The following HRH2 variants were observed in gnomAD, a reference collection of about 807,000 sequenced individuals.
HRH2 encodes the protein histamine receptor H2.
In HRH2, 4 loss-of-function variants were observed where a neutral mutation model predicts 20.1. The ratio of observed to expected loss-of-function variants is 0.20; its 90% CI spans 0.10 to 0.45. The LOEUF is 0.45. Ranked by LOEUF, HRH2 falls within the 20% of genes least tolerant of loss-of-function variation. The pLI is 0.99. For missense variants in HRH2, 250 were observed against 461.6 expected, an observed-to-expected ratio of 0.54 and a Z score of 4.20; for synonymous variants, 197 against 200.7, an observed-to-expected ratio of 0.98 and a Z score of 0.16.
At chr5:175,701,250 T>TA (rs1756780203) in intron 2 of HRH2, among the ~76,000 whole-genome samples, 1 of 152,172 alleles carries the variant, frequency 6.6e-6, no homozygotes, top group Non-Finnish European at 1.5e-5. Flanking sequence ...ACGGTCCATG[T>TA]AAAAACACGG....
intron 2 of HRH2, chr5:175,685,405 A>T: frequency 1.9e-6 from 3 of 1,548,536 alleles, no homozygotes; most frequent in Non-Finnish European, 2.6e-6. Context: ...TTCTCTTCCC[A>T]CAGACCATGG....
intron 2 of HRH2, chr5:175,685,446 C>T (rs753482041): frequency 2.7e-5 from 42 of 1,551,650 alleles, no homozygotes; most frequent in African/African-American, 4.1e-5. Context: ...GTCTGTGGAA[C>T]TGACCCATTC....
At chr5:175,690,634 A>C (rs903510173) in intron 2 of HRH2, among the ~76,000 whole-genome samples, 3 of 152,118 alleles carry the variant, frequency 2.0e-5, no homozygotes, top group African/African-American at 7.2e-5. Flanking sequence ...CACCCGTTTA[A>C]AGTGGACAGT....
In HRH2 at chr5:175,705,348, A is replaced by G. The variant is rs187817891; in HGVS notation, c.1077-2431A>G. On this transcript the variant is annotated intron_variant, in intron 2 of 2. Transcript: ENST00000636584. ...TAGAGAATTCAACTAGCACTCAAAT[A>G]CCTATACACCGGGGGACAGGTCCAG... is the stretch of plus-strand genomic sequence containing the variant. Among the ~76,000 whole-genome samples the G allele has an allele frequency of 4.7e-3, 709 of 152,282 alleles. 6 individuals are homozygous for G. The highest frequency in any genetic ancestry group is 7.0e-3 in the Non-Finnish European group (479 of 68,016).
intron 2 of HRH2, chr5:175,685,796 C>T (rs569460857): frequency 4.2e-4 from 172 of 405,576 alleles, no homozygotes; most frequent in Admixed American, 1.5e-3. Flanking sequence ...CATAAGTCCA[C>T]GCTGGAGCGC....
intron 1 of HRH2, among the ~76,000 whole-genome samples, chr5:175,661,113 C>A (rs942724187): frequency 6.7e-6 from 1 of 149,616 alleles, no homozygotes; most frequent in Non-Finnish European, 1.5e-5. Context: ...TCCAAACTTC[C>A]CACTTGGAAT....
intron 1 of HRH2, among the ~76,000 whole-genome samples, chr5:175,674,428 C>A (rs1755686586): frequency 6.6e-6 from 1 of 152,158 alleles, no homozygotes; most frequent in Non-Finnish European, 1.5e-5. Context: ...AGGGTCCTTG[C>A]TTCAAGTCCA....
intron 2 of HRH2, chr5:175,685,226 A>G (rs1000636720): frequency 6.4e-6 from 1 of 156,552 alleles, no homozygotes; most frequent in African/African-American, 2.4e-5. Flanking sequence ...GACAAAGCCA[A>G]TGCAGGATCT....
At chr5:175,690,951 T>C (rs1247179720) in intron 2 of HRH2, among the ~76,000 whole-genome samples, 5 of 152,224 alleles carry the variant, frequency 3.3e-5, no homozygotes, top group African/African-American at 9.6e-5. Flanking sequence ...TCCATCCTTT[T>C]TGCTGTGATT....
rs929579701 is a variant in HRH2 at position 175,687,601 on chromosome 5, G to T, written c.1076+3292G>T. 6.6e-6 allele frequency among the ~76,000 whole-genome samples: 1 copy of T among 152,154 alleles called. No homozygotes were observed. The highest frequency in any genetic ancestry group is 2.1e-4 in the South Asian group (1 of 4,820). Reference sequence around the variant, plus strand: ...AGGGCAGCTCACCCCACAGTCAGGGGCCCCGGCTGGTCCCACCATTCGAGA... The same window carrying T: ...AGGGCAGCTCACCCCACAGTCAGGGTCCCCGGCTGGTCCCACCATTCGAGA... On this transcript the variant is annotated intron_variant, in intron 2 of 2. Coordinates refer to ENST00000636584, the MANE Select transcript of HRH2 (RefSeq NM_001367711.1). This position sits in a 1 kb window ranked among gnomAD's most constrained non-coding sequence, Gnocchi z 5.2.
Position 175,663,260 on chromosome 5 carries a change from A to G in HRH2, c.-526+5105A>G, listed in dbSNP as rs565494792. On this transcript the variant is annotated intron_variant, in intron 1 of 2. Coordinates refer to ENST00000636584, the MANE Select transcript of HRH2 (RefSeq NM_001367711.1). ...TTGAGGAATTGCCAAACTGTTTCCAAAGAGGTTGCACTGTCTTACATTCCC... is the reference window on the plus strand; with the variant it reads ...TTGAGGAATTGCCAAACTGTTTCCAGAGAGGTTGCACTGTCTTACATTCCC... Among the ~76,000 whole-genome samples, 248 of 152,282 alleles carry G rather than the reference A, an allele frequency of 1.6e-3. 1 individual carries two copies. The highest frequency in any genetic ancestry group is 3.1e-3 in the Non-Finnish European group (211 of 68,026).
chr5:175,668,239 G>A (rs1372050222), intron 1 of HRH2, among the ~76,000 whole-genome samples: 1 of 152,214 alleles, frequency 6.6e-6, no homozygotes, highest in African/African-American at 2.4e-5. Flanking sequence ...CATCACACAT[G>A]TGCGCTATTT....
intron 2 of HRH2, among the ~76,000 whole-genome samples, chr5:175,696,646 G>A (rs944660011): frequency 1.4e-4 from 22 of 152,228 alleles, no homozygotes; most frequent in African/African-American, 5.3e-4. Flanking sequence ...GCAGGAAGTG[G>A]ATGGCAGGGA....
intron 1 of HRH2, among the ~76,000 whole-genome samples, chr5:175,669,092 G>A (rs1351171942): frequency 5.3e-5 from 8 of 152,140 alleles, no homozygotes; most frequent in Admixed American, 2.6e-4. Flanking sequence ...CGATCCTCCT[G>A]CCTCGGCCTT....
At chr5:175,706,225 C>A (rs1276041702) in intron 2 of HRH2, among the ~76,000 whole-genome samples, 1 of 152,190 alleles carries the variant, frequency 6.6e-6, no homozygotes, top group Non-Finnish European at 1.5e-5. Flanking sequence ...CACTGGTATG[C>A]TTTTCAATAG....
chr5:175,698,085 C>A (rs1756664584), intron 2 of HRH2, among the ~76,000 whole-genome samples: 1 of 152,274 alleles, frequency 6.6e-6, no homozygotes, highest in South Asian at 2.1e-4. Context: ...TGCAAGCAGA[C>A]CTGCCCCTGT....
Position 175,686,456 on chromosome 5 carries a change from AG to A in HRH2, c.1076+2151del, listed in dbSNP as rs1756176679. Among the ~76,000 whole-genome samples the A allele has an allele frequency of 6.6e-6, 1 of 152,216 alleles. No individual in the cohort carries two copies. Among genetic ancestry groups the A allele is most frequent in the African/African-American group, 2.4e-5 (1 of 41,454 alleles). ...TGTTTCTAGGCATTAGTTGCTCTTCAGGGGCATCCTACTCCCACCCCTGCAC... is the reference window on the plus strand; with the variant it reads ...TGTTTCTAGGCATTAGTTGCTCTTCAGGGCATCCTACTCCCACCCCTGCAC... On this transcript the variant is annotated intron_variant, in intron 2 of 2. Transcript: ENST00000636584. The surrounding 1 kb of genome is among the most constrained non-coding windows in gnomAD (Gnocchi z 4.7).
intron 2 of HRH2, among the ~76,000 whole-genome samples, chr5:175,696,127 A>G (rs1756567793): frequency 6.6e-6 from 1 of 152,234 alleles, no homozygotes; most frequent in Non-Finnish European, 1.5e-5. Context: ...GACATTGAGA[A>G]TCACCTGTGT....
intron 1 of HRH2, among the ~76,000 whole-genome samples, chr5:175,666,586 C>A (rs1317656034): frequency 1.3e-5 from 2 of 152,084 alleles, no homozygotes; most frequent in Admixed American, 1.3e-4. Context: ...CAGCACCACA[C>A]CCTGCTAAGT....
Sources: allele counts gnomAD v4.1 joint callset (sites outside exome capture counted in the v4.1 genomes callset), GRCh38; gene constraint gnomAD v4.1.1; non-coding constraint Gnocchi (gnomAD v3.1); transcripts MANE v1.5; gene names NCBI Gene and HGNC (gene_info 2026-07-23, HGNC 2026-07-21).